The following LRRC28 variants were observed in gnomAD, a reference collection of about 807,000 sequenced individuals.
LRRC28 encodes the protein leucine rich repeat containing 28, also known as leucine-rich repeat-containing protein 28.
In LRRC28, 39 loss-of-function variants were observed where a neutral mutation model predicts 45.7. That is an observed-to-expected ratio of 0.85 (90% CI 0.66 to 1.12). The LOEUF is 1.12. Ranked by LOEUF, LRRC28 falls within the 50% of genes most tolerant of loss-of-function variation. The pLI, the probability that LRRC28 is intolerant of heterozygous loss-of-function variation, is 0.00. For synonymous variants in LRRC28, 206 were observed against 178.8 expected (o/e 1.15, Z -1.22); for missense variants, 435 against 438.5 (o/e 0.99, Z 0.07).
chr15:99,271,285 A>ATTTT (rs71287826), intron 2 of LRRC28, among the ~76,000 whole-genome samples: 1 of 145,982 alleles, frequency 6.9e-6, no homozygotes, highest in Non-Finnish European at 1.5e-5. Flanking sequence ...CAGTGTATCT[A>ATTTT]TTTTTTTTTT....
In LRRC28 at chr15:99,251,512, C is replaced by T. The variant is rs1325642075; in HGVS notation, c.-90C>T. On this transcript the variant is annotated 5_prime_UTR_variant, in exon 1 of 10. Coordinates refer to ENST00000301981, the MANE Select transcript of LRRC28 (RefSeq NM_144598.5). ...CGCTTGGCTTCCAGCGCCGCTTGCGCTCCGGAGCGCTGGCTCTGCTGGCGC... is the reference window on the plus strand; with the variant it reads ...CGCTTGGCTTCCAGCGCCGCTTGCGTTCCGGAGCGCTGGCTCTGCTGGCGC... 2.0e-5 allele frequency: 3 copies of T among 152,226 alleles called. No individual in the cohort carries two copies. Among genetic ancestry groups the T allele is most frequent in the Non-Finnish European group, 4.4e-5 (3 of 68,026 alleles). The allele number at this position is 152,226 out of a possible 1,614,324, so 9.4% of individuals were successfully genotyped here. A position where few individuals can be genotyped will look rare whatever the true frequency, so the allele number is the denominator to read the frequency against.
intron 3 of LRRC28, chr15:99,284,809 C>T (rs772919093): frequency 1.8e-6 from 1 of 542,798 alleles, no homozygotes; most frequent in Non-Finnish European, 3.6e-6. Flanking sequence ...TTGTAGCTTC[C>T]ACCACTTCCA....
intron 6 of LRRC28, among the ~76,000 whole-genome samples, chr15:99,342,563 A>G (rs905844662): frequency 3.9e-5 from 6 of 152,230 alleles, no homozygotes; most frequent in South Asian, 4.1e-4. Context: ...TATACAGTCA[A>G]TATGAACTGT....
chr15:99,266,675 A>G lies in LRRC28; in HGVS notation c.169-9901A>G, dbSNP rs527718279. 4.6e-5 allele frequency among the ~76,000 whole-genome samples: 7 copies of G among 152,346 alleles called. No homozygotes were observed. The South Asian group carries it at 1.5e-3, about 32-fold the overall frequency. ...TCTACCCAATAGAAAAGTCTGGTGA[A>G]CAAGAGTGTTTATCACAAAATTGAA... On this transcript the variant is annotated intron_variant, in intron 2 of 9. Coordinates refer to ENST00000301981, the MANE Select transcript of LRRC28 (RefSeq NM_144598.5).
At chr15:99,345,768 T>C (rs1272547841) in intron 6 of LRRC28, among the ~76,000 whole-genome samples, 1 of 152,200 alleles carries the variant, frequency 6.6e-6, no homozygotes, top group Non-Finnish European at 1.5e-5. Flanking sequence ...AAAAAACATA[T>C]TGTATGGTGA....
intron 5 of LRRC28, 141 bp downstream of exon 5, chr15:99,288,092 G>T: frequency 1.3e-6 from 1 of 790,560 alleles, no homozygotes; most frequent in Non-Finnish European, 1.8e-6. Flanking sequence ...CTAAAGAATG[G>T]GTGAAATATT....
chr15:99,376,984 G>A (rs1014558479), intron 9 of LRRC28, among the ~76,000 whole-genome samples: 1 of 152,136 alleles, frequency 6.6e-6, no homozygotes, highest in African/African-American at 2.4e-5. Context: ...TTGCTATTGT[G>A]AATAGTGCCG....
At chr15:99,257,406 T>A (rs2081053933) in intron 2 of LRRC28, among the ~76,000 whole-genome samples, 1 of 152,250 alleles carries the variant, frequency 6.6e-6, no homozygotes, top group Non-Finnish European at 1.5e-5. Flanking sequence ...GATTTTCCCA[T>A]GTTTGTTCTT....
At chr15:99,284,230 T>TAAGACCCCTG (rs1286986391) in intron 3 of LRRC28, among the ~76,000 whole-genome samples, 1 of 152,196 alleles carries the variant, frequency 6.6e-6, no homozygotes, top group African/African-American at 2.4e-5. Context: ...TGGGTACCAA[T>TAAGACCCCTG]AAGACCCCTG....
chr15:99,310,525 G>T (rs544877077), intron 5 of LRRC28, among the ~76,000 whole-genome samples: 10 of 152,184 alleles, frequency 6.6e-5, no homozygotes, highest in Middle Eastern at 3.2e-3. Context: ...CTACTACCCA[G>T]TGTGATGAAA....
intron 6 of LRRC28, chr15:99,337,939 T>C (rs1355005397): frequency 6.6e-6 from 1 of 152,282 alleles, no homozygotes; most frequent in Non-Finnish European, 1.5e-5. Flanking sequence ...GAAGCAATGC[T>C]CTGCCCTGGT....
intron 3 of LRRC28, among the ~76,000 whole-genome samples, chr15:99,278,656 A>C (rs1456794649): frequency 1.3e-5 from 2 of 152,154 alleles, no homozygotes; most frequent in Admixed American, 1.3e-4. Context: ...GCAAATATTC[A>C]CCTTTTTAAT....
At chr15:99,299,926 T>C (rs928370046) in intron 5 of LRRC28, among the ~76,000 whole-genome samples, 39 of 152,214 alleles carry the variant, frequency 2.6e-4, no homozygotes, top group Non-Finnish European at 2.9e-5. Flanking sequence ...TTTATATGCT[T>C]ATAACAAATA....
At chr15:99,345,212 T>C (rs1399988436) in intron 6 of LRRC28, among the ~76,000 whole-genome samples, 2 of 151,940 alleles carry the variant, frequency 1.3e-5, no homozygotes, top group African/African-American at 4.8e-5. Context: ...TCCAAGACTG[T>C]GCTCCTGCTC....
chr15:99,349,338 A>G (rs1157070580), intron 6 of LRRC28, among the ~76,000 whole-genome samples: 2 of 152,192 alleles, frequency 1.3e-5, no homozygotes, highest in Non-Finnish European at 2.9e-5. Context: ...AAAAGTTCAT[A>G]AATGACACTG....
intron 5 of LRRC28, among the ~76,000 whole-genome samples, chr15:99,332,358 T>C (rs922959837): frequency 6.6e-6 from 1 of 152,208 alleles, no homozygotes; most frequent in Non-Finnish European, 1.5e-5. Flanking sequence ...GTATATTTTG[T>C]TCAGTATTGA....
chr15:99,327,543 G>A (rs1956025897), intron 5 of LRRC28, among the ~76,000 whole-genome samples: 1 of 152,080 alleles, frequency 6.6e-6, no homozygotes, highest in Non-Finnish European at 1.5e-5. Flanking sequence ...AAAGTTAATA[G>A]TGATATTTCA....
At chr15:99,296,005 A>G (rs998243733) in intron 5 of LRRC28, among the ~76,000 whole-genome samples, 1 of 152,048 alleles carries the variant, frequency 6.6e-6, no homozygotes, top group Non-Finnish European at 1.5e-5. Flanking sequence ...TATTGATCTC[A>G]TGTGGAGGTG....
chr15:99,352,516 T>G (rs1322033773), intron 7 of LRRC28, 45 bp downstream of exon 7: 2 of 1,464,038 alleles, frequency 1.4e-6, no homozygotes, highest in South Asian at 2.3e-5. Flanking sequence ...GATTAACTAC[T>G]TTTGGTACTT....
Sources: gnomAD v4.1 joint callset for allele counts (sites outside exome capture counted in the v4.1 genomes callset) on GRCh38, gnomAD v4.1.1 for gene constraint, MANE v1.5 for transcripts, NCBI Gene and HGNC (gene_info 2026-07-23, HGNC 2026-07-21) for gene names.